The following COL4A6 variants were observed in gnomAD, a reference collection of about 807,000 sequenced individuals.
COL4A6 encodes collagen alpha-6(IV) chain.
In COL4A6, 59 loss-of-function variants were observed where a neutral mutation model predicts 126.7. The observed-to-expected ratio is 0.47, with a 90% CI of 0.38 to 0.58. The LOEUF (loss-of-function observed/expected upper bound fraction) is 0.58, where lower values mean the gene tolerates loss of function less well. Among genes scored for constraint, COL4A6 ranks in the 20% least tolerant of loss-of-function variants. COL4A6 has a pLI of 0.00. For synonymous variants in COL4A6, 547 were observed against 496.6 expected, an observed-to-expected ratio of 1.10 and a Z score of -1.35; for missense variants, 1,285 against 1,337.3, an observed-to-expected ratio of 0.96 and a Z score of 0.61.
At chrX:108,427,083 G>T (rs1166402725) in intron 2 of COL4A6, among the ~76,000 whole-genome samples, 1 of 111,808 alleles carries the variant, frequency 8.9e-6, no homozygotes, top group African/African-American at 3.3e-5. Context: ...AAAATAAGTG[G>T]CCGGCAATAA....
intron 3 of COL4A6, among the ~76,000 whole-genome samples, chrX:108,240,520 C>T (rs910307491): frequency 3.6e-5 from 4 of 111,831 alleles, no homozygotes; most frequent in East Asian, 2.8e-4. Context: ...TGTAGAACTT[C>T]GCATTTCTAT....
At chrX:108,327,239 C>T (rs939140316) in intron 2 of COL4A6, among the ~76,000 whole-genome samples, 3 of 110,121 alleles carry the variant, frequency 2.7e-5, no homozygotes, top group South Asian at 4.0e-4. Flanking sequence ...CTAGGTTGCA[C>T]GCTCCTTTTG....
chrX:108,196,449 C>T (rs1330148386), intron 14 of COL4A6, 62 bp downstream of exon 14: 2 of 1,060,752 alleles, frequency 1.9e-6, no homozygotes, highest in Admixed American at 4.8e-5. Context: ...AAGAAGCAAA[C>T]AGGAAAGAAA....
chrX:108,287,013 A>G (rs190062930), intron 3 of COL4A6, among the ~76,000 whole-genome samples: 1 of 111,707 alleles, frequency 9.0e-6, no homozygotes, highest in East Asian at 2.8e-4. Context: ...AGAATAGTGG[A>G]GAAAGAAGAT....
At chrX:108,185,426 T>G (rs1185916205) in intron 23 of COL4A6, among the ~76,000 whole-genome samples, 2 of 107,638 alleles carry the variant, frequency 1.9e-5, no homozygotes, top group Admixed American at 9.9e-5. Flanking sequence ...CTTACAACCT[T>G]CACAATAATT....
intron 23 of COL4A6, 59 bp from the exon 24 acceptor site, chrX:108,181,027 A>AACTCT: frequency 1.0e-6 from 1 of 987,085 alleles, no homozygotes; most frequent in Non-Finnish European, 1.4e-6. Context: ...ATTTCTCCCT[A>AACTCT]GTACGCTCCT....
At chrX:108,392,139 A>C (rs187121175) in intron 2 of COL4A6, among the ~76,000 whole-genome samples, 1 of 112,323 alleles carries the variant, frequency 8.9e-6, no homozygotes, top group East Asian at 2.8e-4. Flanking sequence ...CAAAGCCCTA[A>C]ATGTAAGCGC....
intron 40 of COL4A6, chrX:108,163,340 T>G (rs747627246): frequency 4.5e-6 from 1 of 223,657 alleles, no homozygotes; most frequent in East Asian, 1.0e-4. Flanking sequence ...GCTAATATGG[T>G]GAGCTGAGCC....
intron 3 of COL4A6, among the ~76,000 whole-genome samples, chrX:108,278,148 C>T (rs1352565994): frequency 8.9e-6 from 1 of 112,343 alleles, no homozygotes; most frequent in African/African-American, 3.2e-5. Flanking sequence ...CGGAGAATGC[C>T]TTTGACGAGT....
At chrX:108,321,893 G>A (rs1603086802) in intron 2 of COL4A6, among the ~76,000 whole-genome samples, 1 of 110,410 alleles carries the variant, frequency 9.1e-6, no homozygotes, top group African/African-American at 3.3e-5. Context: ...CCTCCACCAT[G>A]AGGTAGGCAC....
chrX:108,304,544 G>A (rs761485199), intron 3 of COL4A6, among the ~76,000 whole-genome samples: 1 of 111,864 alleles, frequency 8.9e-6, no homozygotes, highest in African/African-American at 3.2e-5. Context: ...AAGGTTTGGT[G>A]GAGAGGAGGG....
intron 3 of COL4A6, among the ~76,000 whole-genome samples, chrX:108,264,104 T>G (rs186440301): frequency 1.8e-5 from 2 of 111,539 alleles, no homozygotes; most frequent in East Asian, 5.7e-4. Flanking sequence ...ATGTCGAGAT[T>G]ATTGTCTGCC....
At chrX:108,332,827 GCT>G (rs2039336230) in intron 2 of COL4A6, among the ~76,000 whole-genome samples, 1 of 110,800 alleles carries the variant, frequency 9.0e-6, no homozygotes, top group Non-Finnish European at 1.9e-5. Context: ...CTGTGCAGAA[GCT>G]TTTTAGTTGC....
intron 2 of COL4A6, among the ~76,000 whole-genome samples, chrX:108,364,870 A>C (rs748501455): frequency 9.0e-6 from 1 of 111,493 alleles, no homozygotes; most frequent in African/African-American, 3.3e-5. Context: ...GCTTAGGTTG[A>C]TTCCATATCT....
upstream of COL4A6, chrX:108,439,250 T>C: frequency 3.2e-6 from 1 of 312,896 alleles, no homozygotes. Flanking sequence ...AGCTGTATTA[T>C]AATAACATAA....
intron 2 of COL4A6, among the ~76,000 whole-genome samples, chrX:108,321,188 T>C (rs1689204521): frequency 8.9e-6 from 1 of 112,104 alleles, no homozygotes; most frequent in South Asian, 3.7e-4. Flanking sequence ...GGATGCCTAA[T>C]AGGTTCTCAT....
intron 3 of COL4A6, among the ~76,000 whole-genome samples, chrX:108,275,488 TGA>T (rs1224607502): frequency 4.4e-5 from 5 of 112,496 alleles, no homozygotes; most frequent in Non-Finnish European, 9.4e-5. Context: ...CTATCCTGTA[TGA>T]GTTAATTCTT....
At chrX:108,190,809 C>T (rs1460666587) in intron 19 of COL4A6, among the ~76,000 whole-genome samples, 1 of 112,257 alleles carries the variant, frequency 8.9e-6, no homozygotes, top group African/African-American at 3.2e-5. Flanking sequence ...ACCCCAGAAA[C>T]CTCCCCTAGG....
chrX:108,177,185 C>T (rs957199231), intron 27 of COL4A6, among the ~76,000 whole-genome samples, 174 bp from the exon 28 acceptor site: 4 of 112,501 alleles, frequency 3.6e-5, no homozygotes, highest in African/African-American at 1.3e-4. Context: ...TTGGCTGAAG[C>T]GTTAGCATCT....
Sources: allele counts gnomAD v4.1 joint callset (sites outside exome capture counted in the v4.1 genomes callset), GRCh38; gene constraint gnomAD v4.1.1; transcripts MANE v1.5; gene names NCBI Gene and HGNC (gene_info 2026-07-23, HGNC 2026-07-21).